Variants in PTPRQ observed in about 807,000 individuals in gnomAD.
PTPRQ encodes the protein phosphatidylinositol phosphatase PTPRQ.
In PTPRQ, 199 loss-of-function variants were observed where a neutral mutation model predicts 246.0. The ratio of observed to expected loss-of-function variants is 0.81; its 90% CI spans 0.72 to 0.91. The LOEUF (loss-of-function observed/expected upper bound fraction) is 0.91, where lower values mean the gene tolerates loss of function less well. PTPRQ is among the 40% of genes least tolerant of loss of function. The pLI is 0.00. For synonymous variants in PTPRQ, 869 were observed against 853.2 expected, an observed-to-expected ratio of 1.02 and a Z score of -0.32; for missense variants, 2,624 against 2,528.4, an observed-to-expected ratio of 1.04 and a Z score of -0.81.
At chr12:80,667,882 G>A (rs1404310214) in intron 39 of PTPRQ, among the ~76,000 whole-genome samples, 1 of 151,882 alleles carries the variant, frequency 6.6e-6, no homozygotes, top group Non-Finnish European at 1.5e-5. Context: ...CAGAAAAGCT[G>A]CAGTATACTG....
chr12:80,559,688 AT>A (rs1896768351), intron 25 of PTPRQ, among the ~76,000 whole-genome samples: 1 of 152,232 alleles, frequency 6.6e-6, no homozygotes, highest in African/African-American at 2.4e-5. Context: ...CAAAACAACC[AT>A]CAGTGAATAT....
intron 3 of PTPRQ, among the ~76,000 whole-genome samples, chr12:80,449,999 T>G (rs1030771094): frequency 6.6e-6 from 1 of 152,224 alleles, no homozygotes; most frequent in African/African-American, 2.4e-5. Flanking sequence ...TCATTCTTCC[T>G]ACCCATGAGC....
intron 43 of PTPRQ, among the ~76,000 whole-genome samples, chr12:80,673,939 C>A (rs962260779): frequency 6.6e-6 from 1 of 152,090 alleles, no homozygotes; most frequent in Non-Finnish European, 1.5e-5. Flanking sequence ...ATACTAGACC[C>A]TTCACATGTA....
chr12:80,444,684 A>G, intron 1 of PTPRQ, 57 bp from the exon 2 acceptor site: 1 of 1,279,502 alleles, frequency 7.8e-7, no homozygotes, highest in East Asian at 2.6e-5. Flanking sequence ...GATTTATTTT[A>G]GCTTGCTTGC....
intron 33 of PTPRQ, among the ~76,000 whole-genome samples, chr12:80,624,202 A>C (rs1002877218): frequency 6.6e-6 from 1 of 152,212 alleles, no homozygotes; most frequent in African/African-American, 2.4e-5. Flanking sequence ...GATCCTGCCA[A>C]GACTAAGGAA....
intron 34 of PTPRQ, among the ~76,000 whole-genome samples, chr12:80,633,010 T>G (rs1416034410): frequency 6.6e-6 from 1 of 152,156 alleles, no homozygotes; most frequent in Non-Finnish European, 1.5e-5. Flanking sequence ...GGGCAGTGTT[T>G]TCCTCTTCCT....
In PTPRQ at chr12:80,613,640, A is replaced by C. The variant is rs766723251; in HGVS notation, c.4967A>C (p.Glu1656Ala). The part of the protein sequence containing the change: ...NNMTFQKIPD[E>A]VTKFQLTFLP... ...ATGACATTTCAGAAGATACCAGATG[A>C]AGTTACAAAATTTCAATTAACGTTC... The change falls in exon 29 of 45, where the codon GAA becomes GCA. Residue 1656 changes from glutamate (E) to alanine (A), a missense_variant. Glu to Ala is a moderately radical substitution (Grantham distance 107, BLOSUM62 -1). Coordinates refer to ENST00000644991, the MANE Select transcript of PTPRQ (RefSeq NM_001145026.2). The C allele has an allele frequency of 8.9e-5, 138 of 1,545,478 alleles. 1 individual carries two copies. The highest frequency in any genetic ancestry group is 1.1e-4 in the Non-Finnish European group (130 of 1,142,900).
chr12:80,576,651 C>CTT (rs1234655934), intron 25 of PTPRQ, among the ~76,000 whole-genome samples: 2 of 146,070 alleles, frequency 1.4e-5, no homozygotes, highest in East Asian at 2.0e-4. Context: ...TTCTTCTGAC[C>CTT]TTTTTTTTTT....
chr12:80,649,471 T>C (rs1900185303), intron 36 of PTPRQ, 117 bp from the exon 37 acceptor site: 1 of 1,320,420 alleles, frequency 7.6e-7, no homozygotes, highest in Non-Finnish European at 9.9e-7. Flanking sequence ...CTGTGTTGTT[T>C]GTGATTTTGG....
At chr12:80,493,482 A>G (rs1228070764) in intron 10 of PTPRQ, 27 bp downstream of exon 10, 9 of 1,539,752 alleles carry the variant, frequency 5.8e-6, no homozygotes, top group Non-Finnish European at 7.9e-6. Context: ...TTTTCTATAA[A>G]GTTCATTTAA....
intron 17 of PTPRQ, among the ~76,000 whole-genome samples, chr12:80,516,461 A>G (rs1027621493): frequency 2.0e-5 from 3 of 152,208 alleles, no homozygotes; most frequent in Non-Finnish European, 4.4e-5. Context: ...CTGTGGGGAG[A>G]TATATAACAT....
At chr12:80,515,994 A>G (rs1020200250) in intron 17 of PTPRQ, among the ~76,000 whole-genome samples, 1 of 152,148 alleles carries the variant, frequency 6.6e-6, no homozygotes, top group Admixed American at 6.5e-5. Context: ...AATAACTTTT[A>G]TCATCCATCA....
Position 80,495,079 on chromosome 12 carries a change from A to C in PTPRQ, c.1687A>C (p.Arg563=). 1 of 1,550,524 alleles carries C rather than the reference A, an allele frequency of 6.4e-7. No individual in the cohort carries two copies. Among genetic ancestry groups the C allele is most frequent in the Non-Finnish European group, 8.7e-7 (1 of 1,146,208 alleles). Residue 563 remains arginine, a synonymous_variant, in exon 11 of 45, where the codon AGG becomes CGG. Transcript: ENST00000644991. ...AGGACCACCAACAGTTCTCAGTGTT[A>C]GGACACGTCAGCAAGGTAAGGATGT... ...GEGPPTVLSV[R]TRQQVPSSIK...
chr12:80,454,547 T>C, intron 3 of PTPRQ: 1 of 702,468 alleles, frequency 1.4e-6, no homozygotes. Context: ...TTTTGTTGCA[T>C]TTCTTAGGGA....
At chr12:80,500,662 CTT>C (rs76355618) in intron 14 of PTPRQ, among the ~76,000 whole-genome samples, 3,647 of 152,052 alleles carry the variant, frequency 0.024, 39 homozygotes, top group Middle Eastern at 0.065. Context: ...GAGTTTCTCT[CTT>C]GTTTTAATAT....
rs111369034 is a variant in PTPRQ at position 80,590,592 on chromosome 12, C to T, written c.4609+2140C>T. On this transcript the variant is annotated intron_variant, in intron 26 of 44. Transcript: ENST00000644991. The stretch of plus-strand genomic sequence containing the variant: ...CTGAGGCAGGAGAATGGCATGAACC[C>T]GGAAGGCGGAGCTTGCAGTGAGCCG... Among the ~76,000 whole-genome samples, 1,109 of 146,258 alleles carry T rather than the reference C, an allele frequency of 7.6e-3. 9 individuals carry two copies. Among genetic ancestry groups the T allele is most frequent in the Non-Finnish European group, 0.012 (781 of 67,372 alleles).
intron 25 of PTPRQ, among the ~76,000 whole-genome samples, chr12:80,571,169 G>C (rs1442436763): frequency 6.6e-6 from 1 of 152,074 alleles, no homozygotes; most frequent in South Asian, 2.1e-4. Context: ...ATAAATTATG[G>C]AGTCTCACTC....
intron 25 of PTPRQ, among the ~76,000 whole-genome samples, chr12:80,567,487 A>G (rs1766585962): frequency 6.6e-6 from 1 of 152,168 alleles, no homozygotes; most frequent in African/African-American, 2.4e-5. Context: ...CCCCCATAGA[A>G]AGTTCCCTTT....
chr12:80,460,339 C>G (rs1356747822), intron 5 of PTPRQ, among the ~76,000 whole-genome samples: 2 of 152,146 alleles, frequency 1.3e-5, no homozygotes, highest in South Asian at 2.1e-4. Flanking sequence ...TATTTCAGCT[C>G]TTTGGCTCTT....
Sources: allele counts gnomAD v4.1 joint callset (sites outside exome capture counted in the v4.1 genomes callset), GRCh38; gene constraint gnomAD v4.1.1; transcripts MANE v1.5; gene names NCBI Gene and HGNC (gene_info 2026-07-23, HGNC 2026-07-21).